PIR: variants seen among roughly 807,000 people sequenced by gnomAD.
PIR encodes the protein pirin.
PIR carries 22 observed loss-of-function variants against 24.2 expected under a neutral mutation model. The observed-to-expected ratio is 0.91, with a 90% CI of 0.65 to 1.30. The LOEUF (loss-of-function observed/expected upper bound fraction) is 1.30. PIR is among the 50% of genes most tolerant of loss of function. PIR has a pLI of 0.00. For missense variants in PIR, 220 were observed against 220.3 expected, an observed-to-expected ratio of 1.00 and a Z score of 0.01; for synonymous variants, 80 against 79.6, an observed-to-expected ratio of 1.00 and a Z score of -0.03.
intron 3 of PIR, among the ~76,000 whole-genome samples, chrX:15,475,125 G>A (rs1002357658): frequency 1.8e-5 from 2 of 109,827 alleles, no homozygotes; most frequent in Non-Finnish European, 3.8e-5. Context: ...CAGGCTATGT[G>A]GGAGGTGGGA....
At chrX:15,485,170 TA>T (rs1392178171) in intron 2 of PIR, among the ~76,000 whole-genome samples, 3 of 112,357 alleles carry the variant, frequency 2.7e-5, no homozygotes, top group African/African-American at 9.7e-5. Flanking sequence ...TGAGTTGCTA[TA>T]ACATAATACT....
At chrX:15,445,219 C>G (rs112400624) in intron 5 of PIR, among the ~76,000 whole-genome samples, 1,503 of 111,154 alleles carry the variant, frequency 0.014, 27 homozygotes, top group African/African-American at 0.045. Context: ...AAATGGCTTC[C>G]TTTAAAAAAG....
chrX:15,419,353 G>GTA (rs2147025723), intron 6 of PIR, among the ~76,000 whole-genome samples: 1 of 101,342 alleles, frequency 9.9e-6, no homozygotes, highest in African/African-American at 4.0e-5. Context: ...CTGTGTGTGT[G>GTA]TGTGTGTGTG....
intron 6 of PIR, among the ~76,000 whole-genome samples, chrX:15,408,085 T>C (rs769040366): frequency 9.0e-6 from 1 of 111,651 alleles, no homozygotes; most frequent in Non-Finnish European, 1.9e-5. Flanking sequence ...TAGCTGGGAT[T>C]ACAGGCACAC....
At chrX:15,474,630 A>G (rs1363337064) in intron 3 of PIR, among the ~76,000 whole-genome samples, 1 of 111,635 alleles carries the variant, frequency 9.0e-6, no homozygotes. Flanking sequence ...TATATCTGTT[A>G]CCTTCACTCT....
At chrX:15,390,685 G>A (rs1440686503) in intron 8 of PIR, among the ~76,000 whole-genome samples, 3 of 110,870 alleles carry the variant, frequency 2.7e-5, no homozygotes, top group East Asian at 2.8e-4. Context: ...AATATGCCCC[G>A]GAAATATTGC....
At chrX:15,467,358 T>C (rs969926959) in intron 3 of PIR, among the ~76,000 whole-genome samples, 2 of 112,435 alleles carry the variant, frequency 1.8e-5, no homozygotes, top group African/African-American at 6.5e-5. Context: ...GCCAGTAACG[T>C]ATGTGCTGGG....
At chrX:15,438,319 G>A (rs991392726) in intron 5 of PIR, among the ~76,000 whole-genome samples, 1 of 112,200 alleles carries the variant, frequency 8.9e-6, no homozygotes, top group African/African-American at 3.2e-5. Flanking sequence ...CCTTTTGAAC[G>A]CTTCAACATG....
rs1569201704 is a variant in PIR at position 15,434,027 on chromosome X, AAGGAGGAGGAAGGAGAAAGAAGG to A, written c.481-8060_481-8038del. Among the ~76,000 whole-genome samples the A allele has an allele frequency of 1.8e-4, 7 of 38,617 alleles. No homozygotes were observed. The East Asian group carries it at 6.1e-3, about 33-fold the overall frequency. The allele number at this position is 38,617 out of a possible 115,157, so 33.5% of individuals were successfully genotyped here. A position where few individuals can be genotyped will look rare whatever the true frequency, so the allele number is the denominator to read the frequency against. ...GAAAGAAGGAGGAGGAAGGAGAAAGAAGGAGGAGGAAGGAGAAAGAAGGAGGAGGAGGAAGGAGAAAGAAGGAG... is the reference window on the plus strand; with the variant it reads ...GAAAGAAGGAGGAGGAAGGAGAAAGAAGGAGGAGGAAGGAGAAAGAAGGAG... On this transcript the variant is annotated intron_variant, in intron 5 of 9. Transcript: ENST00000380420.
chrX:15,401,871 TTC>T (rs1168679691), intron 7 of PIR, among the ~76,000 whole-genome samples: 1 of 112,366 alleles, frequency 8.9e-6, no homozygotes, highest in African/African-American at 3.2e-5. Context: ...GTCCTATTTA[TTC>T]TCTGTTCCGT....
At chrX:15,404,495 A>T (rs1281307766) in intron 7 of PIR, among the ~76,000 whole-genome samples, 1 of 112,083 alleles carries the variant, frequency 8.9e-6, no homozygotes, top group Non-Finnish European at 1.9e-5. Context: ...CCAAGTATAT[A>T]TATATTCATT....
At chrX:15,485,923 T>C (rs1225443550) in intron 2 of PIR, among the ~76,000 whole-genome samples, 1 of 112,100 alleles carries the variant, frequency 8.9e-6, no homozygotes, top group African/African-American at 3.3e-5. Flanking sequence ...CATTCACATC[T>C]TTCTCTCTCT....
intron 8 of PIR, among the ~76,000 whole-genome samples, chrX:15,396,845 ATTC>A (rs1369461049): frequency 9.2e-6 from 1 of 108,972 alleles, no homozygotes; most frequent in Non-Finnish European, 1.9e-5. Context: ...GGTTCACGCC[ATTC>A]TTCTGCCTCA....
At chrX:15,393,774 T>C (rs1924036026) in intron 8 of PIR, among the ~76,000 whole-genome samples, 1 of 104,765 alleles carries the variant, frequency 9.5e-6, no homozygotes, top group African/African-American at 3.5e-5. Context: ...GAAAACAAAT[T>C]CAGGGCTCCT....
In PIR at chrX:15,459,656, C is replaced by A; in HGVS notation, c.273+1G>T. Reference sequence around the variant, plus strand: ...CAGCAATTCCTTGTCCTTGGCCATACCTGCAAATCTCCTGGGTTCATTTTA... The same window carrying A: ...CAGCAATTCCTTGTCCTTGGCCATAACTGCAAATCTCCTGGGTTCATTTTA... On this transcript the variant is annotated splice_donor_variant, in intron 4 of 9. Transcript: ENST00000380420. LOFTEE classifies it high-confidence loss of function. 1 of 1,173,876 alleles carries A rather than the reference C, an allele frequency of 8.5e-7. No homozygotes were observed. Among genetic ancestry groups the A allele is most frequent in the Non-Finnish European group, 1.2e-6 (1 of 861,404 alleles).
At chrX:15,466,222 C>T (rs1273058415) in intron 3 of PIR, among the ~76,000 whole-genome samples, 3 of 111,149 alleles carry the variant, frequency 2.7e-5, no homozygotes, top group Non-Finnish European at 5.7e-5. Context: ...GAGTAGAAAC[C>T]GGGAAAATCA....
intron 3 of PIR, among the ~76,000 whole-genome samples, chrX:15,475,598 G>A (rs1922148964): frequency 8.9e-6 from 1 of 111,744 alleles, no homozygotes; most frequent in South Asian, 3.8e-4. Flanking sequence ...TTCTTCCTAA[G>A]GTAGGTGAGA....
In PIR at chrX:15,438,641, T is replaced by C. The variant is rs1379074582; in HGVS notation, c.481-12651A>G. ...AGCCTCATTATAGCTCCTCAGCCCT[T>C]GGCCTCTTATGGAGACCTGTAGGTG... On this transcript the variant is annotated intron_variant, in intron 5 of 9. Coordinates refer to ENST00000380420, the MANE Select transcript of PIR (RefSeq NM_001018109.3). Among the ~76,000 whole-genome samples the C allele has an allele frequency of 9.8e-5, 11 of 111,947 alleles. No homozygotes were observed. The East Asian group carries it at 3.1e-3, about 31-fold the overall frequency.
chrX:15,464,289 T>C lies in PIR; in HGVS notation c.190-4549A>G, dbSNP rs73451249. On this transcript the variant is annotated intron_variant, in intron 3 of 9. Coordinates refer to ENST00000380420, the MANE Select transcript of PIR (RefSeq NM_001018109.3). ...GTGAACAGTGGTCATCTCCAGATAG[T>C]AGAATTTCAGATATGTTTCTTTCCA... 1,752 of 329,337 alleles carry C rather than the reference T, an allele frequency of 5.3e-3. 30 individuals carry two copies. Among genetic ancestry groups the C allele is most frequent in the African/African-American group, 0.046 (1,602 of 35,002 alleles). The allele number at this position is 329,337 out of a possible 1,213,427, so 27.1% of individuals were successfully genotyped here.
Sources: allele counts gnomAD v4.1 joint callset (sites outside exome capture counted in the v4.1 genomes callset), GRCh38; gene constraint gnomAD v4.1.1; transcripts MANE v1.5; gene names NCBI Gene and HGNC (gene_info 2026-07-23, HGNC 2026-07-21).